The following GBE1 variants were observed in gnomAD, a reference collection of about 807,000 sequenced individuals.
GBE1 encodes 1,4-alpha-glucan-branching enzyme.
Under a neutral mutation model 88.8 loss-of-function variants are expected in GBE1, and 70 were observed. That is an observed-to-expected ratio of 0.79 (90% CI 0.65 to 0.96). GBE1 has a LOEUF of 0.96. Ranked by LOEUF, GBE1 falls within the 40% of genes least tolerant of loss-of-function variation. The pLI, the probability that GBE1 is intolerant of heterozygous loss-of-function variation, is 0.00. For missense variants in GBE1, 872 were observed against 871.0 expected (o/e 1.00, Z -0.01); for synonymous variants, 284 against 300.1 (o/e 0.95, Z 0.56).
chr3:81,511,390 T>C (rs1017701064), intron 14 of GBE1, among the ~76,000 whole-genome samples: 2 of 151,902 alleles, frequency 1.3e-5, no homozygotes, highest in African/African-American at 2.4e-5. Context: ...ACAGACAACA[T>C]ACAGAATGGG....
intron 7 of GBE1, among the ~76,000 whole-genome samples, chr3:81,614,027 A>AC (rs894580911): frequency 6.6e-6 from 1 of 151,578 alleles, no homozygotes; most frequent in African/African-American, 2.4e-5. Context: ...AATCTGAGTT[A>AC]CTTTTTTTTG....
chr3:81,525,657 G>A (rs557927096), intron 14 of GBE1, among the ~76,000 whole-genome samples: 8 of 152,118 alleles, frequency 5.3e-5, no homozygotes, highest in African/African-American at 1.9e-4. Flanking sequence ...GAATCCATCT[G>A]GTCCTGGACT....
intron 2 of GBE1, among the ~76,000 whole-genome samples, chr3:81,672,481 A>G (rs1192754079): frequency 6.6e-6 from 1 of 151,996 alleles, no homozygotes; most frequent in East Asian, 1.9e-4. Context: ...TCCCACACAC[A>G]AAAGTTAATT....
At chr3:81,671,283 A>G (rs951213566) in intron 2 of GBE1, among the ~76,000 whole-genome samples, 1 of 152,162 alleles carries the variant, frequency 6.6e-6, no homozygotes, top group Non-Finnish European at 1.5e-5. Flanking sequence ...AACACCATCA[A>G]CAAAGAGACA....
chr3:81,616,303 A>C (rs1704247465), intron 7 of GBE1, among the ~76,000 whole-genome samples: 1 of 152,092 alleles, frequency 6.6e-6, no homozygotes, highest in Admixed American at 6.6e-5. Context: ...CCTACAGCTG[A>C]AGATTTTCTC....
At chr3:81,665,484 C>CTT (rs1705101659) in intron 3 of GBE1, among the ~76,000 whole-genome samples, 1 of 148,912 alleles carries the variant, frequency 6.7e-6, no homozygotes, top group African/African-American at 2.5e-5. Context: ...TGCAGTGAGC[C>CTT]GAGATTGCGC....
chr3:81,490,765 G>A (rs1483242252), intron 15 of GBE1, among the ~76,000 whole-genome samples: 1 of 152,080 alleles, frequency 6.6e-6, no homozygotes, highest in Non-Finnish European at 1.5e-5. Flanking sequence ...AGGTGGTGAA[G>A]GAAGGCTGCC....
intron 7 of GBE1, among the ~76,000 whole-genome samples, chr3:81,636,943 A>G (rs1453415577): frequency 6.6e-6 from 1 of 152,194 alleles, no homozygotes; most frequent in Admixed American, 6.6e-5. Flanking sequence ...TGAAATTAAA[A>G]ACAAATACAT....
chr3:81,491,467 G>A (rs552421084), intron 15 of GBE1, among the ~76,000 whole-genome samples: 36 of 152,238 alleles, frequency 2.4e-4, no homozygotes, highest in South Asian at 2.1e-3. Flanking sequence ...AGGAATAATA[G>A]TGGATCAATA....
chr3:81,750,647 A>G (rs61238363), intron 1 of GBE1, among the ~76,000 whole-genome samples: 9,911 of 48,144 alleles, frequency 0.21, 1,845 homozygotes, highest in East Asian at 0.53. Flanking sequence ...ATATATATGT[A>G]TATATATATA....
intron 12 of GBE1, among the ~76,000 whole-genome samples, chr3:81,566,253 T>C (rs1703494363): frequency 6.6e-6 from 1 of 152,194 alleles, no homozygotes; most frequent in Non-Finnish European, 1.5e-5. Flanking sequence ...CTGGGAATCA[T>C]TTTAAGATTC....
chr3:81,698,080 A>G (rs1015995700), intron 2 of GBE1, among the ~76,000 whole-genome samples: 2 of 148,362 alleles, frequency 1.3e-5, no homozygotes, highest in Non-Finnish European at 3.0e-5. Context: ...ATATATATAT[A>G]TATCTTACAA....
At chr3:81,724,682 C>T (rs1575767018) in intron 1 of GBE1, among the ~76,000 whole-genome samples, 1 of 151,982 alleles carries the variant, frequency 6.6e-6, no homozygotes. Flanking sequence ...CATCCTTATA[C>T]ATGAAAATGT....
intron 1 of GBE1, among the ~76,000 whole-genome samples, chr3:81,720,764 C>T (rs933180905): frequency 3.3e-5 from 5 of 151,568 alleles, no homozygotes; most frequent in South Asian, 2.1e-4. Flanking sequence ...ATGTTTATTG[C>T]GGCACTATTC....
rs756607435 is a variant in GBE1 at position 81,649,000 on chromosome 3, T to C, written c.556-9A>G. ...GGTCTGGAATGCTTAAACTACAGAATATAAAATTATGTATAGAGTTAAGCC... is the reference window on the plus strand; with the variant it reads ...GGTCTGGAATGCTTAAACTACAGAACATAAAATTATGTATAGAGTTAAGCC... On this transcript the variant is annotated splice_polypyrimidine_tract_variant and intron_variant, in intron 4 of 15. Coordinates refer to ENST00000429644, the MANE Select transcript of GBE1 (RefSeq NM_000158.4). 6.5e-7 allele frequency: 1 copy of C among 1,545,866 alleles called. No homozygotes were observed. The highest frequency in any genetic ancestry group is 8.8e-7 in the Non-Finnish European group (1 of 1,138,560).
At chr3:81,737,538 C>T (rs1706284595) in intron 1 of GBE1, among the ~76,000 whole-genome samples, 1 of 150,134 alleles carries the variant, frequency 6.7e-6, no homozygotes, top group Non-Finnish European at 1.5e-5. Context: ...CTGTTTGTCA[C>T]TGGTCCATGA....
chr3:81,499,785 T>C (rs1296107437), intron 14 of GBE1, among the ~76,000 whole-genome samples: 1 of 152,188 alleles, frequency 6.6e-6, no homozygotes, highest in East Asian at 1.9e-4. Context: ...GTACTGAACA[T>C]CTGATTTTTC....
intron 1 of GBE1, 49 bp downstream of exon 1, chr3:81,761,326 G>C (rs962126282): frequency 3.6e-5 from 57 of 1,567,512 alleles, no homozygotes; most frequent in Non-Finnish European, 4.6e-5. Context: ...GACGGCTCCT[G>C]GGAGGCGGGC....
intron 12 of GBE1, among the ~76,000 whole-genome samples, chr3:81,573,253 A>G (rs926685134): frequency 5.3e-5 from 8 of 152,098 alleles, no homozygotes; most frequent in African/African-American, 1.9e-4. Flanking sequence ...AGTTTTTTTC[A>G]TTTATTCAAA....
Sources: gnomAD v4.1 joint callset for allele counts (sites outside exome capture counted in the v4.1 genomes callset) on GRCh38, gnomAD v4.1.1 for gene constraint, MANE v1.5 for transcripts, NCBI Gene and HGNC (gene_info 2026-07-23, HGNC 2026-07-21) for gene names.